Variants in LRRC66 observed in about 807,000 individuals in gnomAD.
LRRC66 encodes leucine-rich repeat-containing protein 66.
Under a neutral mutation model 24.6 loss-of-function variants are expected in LRRC66, and 29 were observed. That is an observed-to-expected ratio of 1.18 (90% confidence interval 0.88 to 1.61). LRRC66 has a LOEUF of 1.61. LRRC66 is among the 40% of genes most tolerant of loss of function. LRRC66 has a pLI of 0.00. For synonymous variants in LRRC66, 411 were observed against 397.6 expected (o/e 1.03, Z -0.40); for missense variants, 1,124 against 1,058.0 (o/e 1.06, Z -0.87).
At chr4:52,014,862 G>C (rs1427815885) in intron 2 of LRRC66, among the ~76,000 whole-genome samples, 1 of 152,148 alleles carries the variant, frequency 6.6e-6, no homozygotes, top group Non-Finnish European at 1.5e-5. Context: ...TCATTTGCTA[G>C]AATTTTAATA....
intron 4 of LRRC66, among the ~76,000 whole-genome samples, chr4:51,996,506 C>A (rs1736321716): frequency 6.6e-6 from 1 of 152,126 alleles, no homozygotes; most frequent in Non-Finnish European, 1.5e-5. Context: ...ATTCTCCTCC[C>A]TCAGCCTCCT....
At chr4:51,998,043 T>C in intron 3 of LRRC66, 106 bp from the exon 4 acceptor site, 1 of 934,848 alleles carries the variant, frequency 1.1e-6, no homozygotes, top group Non-Finnish European at 1.7e-6. Flanking sequence ...GGAGGCAATA[T>C]GGATTTAACA....
At position 51,995,580 on chromosome 4, in the gene LRRC66, T is replaced by A; in HGVS notation, c.1442A>T (p.Asp481Val). The part of the protein sequence containing the change: ...PDRTLGRSRK[D>V]PGSSQSPGQC... ...TCCTGGGCTCTGCGAACTGCCAGGA[T>A]CCTTTCTGCTCCTTCCCAGAGTTCT... is the stretch of plus-strand genomic sequence containing the variant. The change falls in exon 5 of 5, where the codon GAT becomes GTT. Residue 481 changes from aspartate to valine, a missense_variant. Asp to Val is a radical substitution (Grantham distance 152). Coordinates refer to ENST00000682860, the MANE Select transcript of LRRC66 (RefSeq NM_001024611.3). 6.2e-7 allele frequency: 1 copy of A among 1,614,146 alleles called. No individual in the cohort carries two copies. Among genetic ancestry groups the A allele is most frequent in the Non-Finnish European group, 8.5e-7 (1 of 1,180,026 alleles).
At chr4:52,015,582 G>A (rs1190694029) in intron 2 of LRRC66, among the ~76,000 whole-genome samples, 1 of 152,140 alleles carries the variant, frequency 6.6e-6, no homozygotes, top group Non-Finnish European at 1.5e-5. Flanking sequence ...CCCTAATGGG[G>A]GCTCAGAATC....
rs1553937525 is a variant in LRRC66 at position 51,997,751 on chromosome 4, T to C, written c.853A>G (p.Ile285Val). ...KKWNVICNRS[I>V]GSEEANGGTP... ...CAGAGAGACATTACTGACTTACCTA[T>C]AGACCTGTTGCAAATGACATTCCAC... Residue 285 changes from isoleucine (I) to valine (V), a missense_variant, in exon 4 of 5, where the codon ATA becomes GTA. Coordinates refer to ENST00000682860, the MANE Select transcript of LRRC66 (RefSeq NM_001024611.3). 18 of 1,613,538 alleles carry C rather than the reference T, an allele frequency of 1.1e-5. No homozygotes were observed. Among genetic ancestry groups the C allele is most frequent in the East Asian group, 6.7e-5 (3 of 44,870 alleles).
In LRRC66 at chr4:51,995,723, C is replaced by A. The variant is rs377473089; in HGVS notation, c.1299G>T (p.Gly433=). 317 of 1,614,072 alleles carry A rather than the reference C, an allele frequency of 2.0e-4. 3 individuals carry two copies. The highest frequency in any genetic ancestry group is 4.9e-5 in the Non-Finnish European group (58 of 1,179,992). The change falls in exon 5 of 5, where the codon GGG becomes GGT. Residue 433 remains glycine, a synonymous_variant. Transcript: ENST00000682860. ...EGFYDDMEAA[G]HTPHPETHLR... is the part of the protein sequence containing the mutation. Reference sequence around the variant, plus strand: ...GATGGGTCTCTGGGTGTGGTGTGTGCCCCGCAGCTTCCATGTCATCGTAGA... The same window carrying A: ...GATGGGTCTCTGGGTGTGGTGTGTGACCCGCAGCTTCCATGTCATCGTAGA...
At chr4:52,020,165 AAAAC>A (rs1222777869) in intron 1 of LRRC66, among the ~76,000 whole-genome samples, 135 bp downstream of exon 1, 1 of 152,202 alleles carries the variant, frequency 6.6e-6, no homozygotes, top group Non-Finnish European at 1.5e-5. Context: ...GCAGCACAAA[AAAAC>A]AAAGTATTAT....
intron 2 of LRRC66, among the ~76,000 whole-genome samples, chr4:52,016,068 C>A (rs1018586162): frequency 1.3e-5 from 2 of 152,002 alleles, no homozygotes; most frequent in African/African-American, 2.4e-5. Context: ...AAATAAAATG[C>A]AATTCATTTA....
intron 3 of LRRC66, among the ~76,000 whole-genome samples, chr4:52,002,411 T>C (rs1398312577): frequency 6.6e-6 from 1 of 152,150 alleles, no homozygotes; most frequent in Non-Finnish European, 1.5e-5. Flanking sequence ...AGTGCTACAC[T>C]GCAGGCCACT....
At position 52,017,203 on chromosome 4, in the gene LRRC66, T is replaced by C. The variant is rs1282755313; in HGVS notation, c.411A>G (p.Lys137=). The C allele has an allele frequency of 6.2e-7, 1 of 1,614,142 alleles. No individual in the cohort carries two copies. Among genetic ancestry groups the C allele is most frequent in the African/African-American group, 1.3e-5 (1 of 75,030 alleles). Residue 137 remains lysine, a synonymous_variant, in exon 2 of 5, where the codon AAA becomes AAG. Coordinates refer to ENST00000682860, the MANE Select transcript of LRRC66 (RefSeq NM_001024611.3). ...DLLSPKSSWV[K]RHRSSFRNRF... ...TGTTTCTGAAGCTGCTTCTGTGGCGTTTCACCCATGAGGACTTAGGACTGA... is the reference window on the plus strand; with the variant it reads ...TGTTTCTGAAGCTGCTTCTGTGGCGCTTCACCCATGAGGACTTAGGACTGA...
intron 2 of LRRC66, among the ~76,000 whole-genome samples, chr4:52,008,789 G>GA (rs1736640015): frequency 6.6e-6 from 1 of 152,014 alleles, no homozygotes; most frequent in African/African-American, 2.4e-5. Flanking sequence ...TCCTTTAGAG[G>GA]AAAAAATGAA....
At chr4:52,002,065 A>G (rs1560558494) in intron 3 of LRRC66, among the ~76,000 whole-genome samples, 1 of 152,218 alleles carries the variant, frequency 6.6e-6, no homozygotes, top group Admixed American at 6.5e-5. Flanking sequence ...CTATAGAGCA[A>G]TTAAAACAGG....
chr4:51,997,847 C>T lies in LRRC66; in HGVS notation c.757G>A (p.Asp253Asn), dbSNP rs748311910. Reference sequence around the variant, plus strand: ...CTATCATCACACTGCCAGTTATTATCAGCCAAGTCAACCACTAGATGGGGA... The same window carrying T: ...CTATCATCACACTGCCAGTTATTATTAGCCAAGTCAACCACTAGATGGGGA... ...EFPHLVVDLA[D>N]NNWQCDDSVA... is the part of the protein sequence containing the mutation. Residue 253 changes from aspartate (D) to asparagine (N), a missense_variant, in exon 4 of 5, where the codon GAT becomes AAT. By Grantham distance (23) the Asp-to-Asn change is conservative. Transcript: ENST00000682860. The T allele has an allele frequency of 6.2e-7, 1 of 1,614,046 alleles. No homozygotes were observed. Among genetic ancestry groups the T allele is most frequent in the South Asian group, 1.1e-5 (1 of 91,064 alleles).
In LRRC66 at chr4:51,994,993, G is replaced by A. The variant is rs201717641; in HGVS notation, c.2029C>T (p.Leu677=). Reference sequence around the variant, plus strand: ...TCCTTGTTAGCAGGAGTGACATCCAGGCCACTGTCCCATCTTGGAGGAAAG... The same window carrying A: ...TCCTTGTTAGCAGGAGTGACATCCAAGCCACTGTCCCATCTTGGAGGAAAG... ...SVFPPRWDSG[L]DVTPANKEPV... is the part of the protein sequence containing the mutation. Residue 677 remains leucine, a synonymous_variant, in exon 5 of 5, where the codon CTG becomes TTG. Coordinates refer to ENST00000682860, the MANE Select transcript of LRRC66 (RefSeq NM_001024611.3). The A allele has an allele frequency of 9.9e-6, 16 of 1,613,988 alleles. No homozygotes were observed. The highest frequency in any genetic ancestry group is 1.6e-4 in the Middle Eastern group (1 of 6,084).
At chr4:52,012,181 C>A (rs2110201727) in intron 2 of LRRC66, among the ~76,000 whole-genome samples, 1 of 151,782 alleles carries the variant, frequency 6.6e-6, no homozygotes, top group Admixed American at 6.6e-5. Context: ...GAGTGAGGCT[C>A]CATCTAAAAA....
At chr4:52,001,719 G>A (rs756493375) in intron 3 of LRRC66, among the ~76,000 whole-genome samples, 8 of 152,196 alleles carry the variant, frequency 5.3e-5, no homozygotes, top group Non-Finnish European at 1.2e-4. Flanking sequence ...CCAGGCAGCT[G>A]GCTCAAGGCC....
In LRRC66 at chr4:51,996,024, GAA is replaced by G. The variant is rs1349703473; in HGVS notation, c.996_997del (p.Ser333TyrfsTer24). 1 of 1,613,930 alleles carries G rather than the reference GAA, an allele frequency of 6.2e-7. No homozygotes were observed. Among genetic ancestry groups the G allele is most frequent in the African/African-American group, 1.3e-5 (1 of 75,004 alleles). On this transcript the variant is annotated frameshift_variant, in exon 5 of 5. Coordinates refer to ENST00000682860, the MANE Select transcript of LRRC66 (RefSeq NM_001024611.3). LOFTEE classifies it low-confidence loss of function (END_TRUNC). ...GGCCTTTGCCTTCTTCCCCAGAGTA[GAA>G]ATGCCCGTGTGCCTTCCTCCCTGGG...
Position 51,994,771 on chromosome 4 carries a change from C to G in LRRC66, c.2251G>C (p.Asp751His). Residue 751 changes from aspartate (D) to histidine (H), a missense_variant, in exon 5 of 5, where the codon GAC becomes CAC. Coordinates refer to ENST00000682860, the MANE Select transcript of LRRC66 (RefSeq NM_001024611.3). ...GASKDNVTAV[D>H]SLEENVTFQT... The stretch of plus-strand genomic sequence containing the variant: ...AAGGTAACATTTTCCTCAAGACTGT[C>G]TACAGCCGTCACATTGTCCTTGCTT... 1 of 1,614,210 alleles carries G rather than the reference C, an allele frequency of 6.2e-7. No individual in the cohort carries two copies. The highest frequency in any genetic ancestry group is 8.5e-7 in the Non-Finnish European group (1 of 1,180,036).
chr4:52,009,460 T>A (rs1736652058), intron 2 of LRRC66, among the ~76,000 whole-genome samples: 1 of 152,080 alleles, frequency 6.6e-6, no homozygotes, highest in Admixed American at 6.6e-5. Context: ...AAAAGCTGGT[T>A]CTTTAACAAC....
Sources: allele counts gnomAD v4.1 joint callset (sites outside exome capture counted in the v4.1 genomes callset), GRCh38; gene constraint gnomAD v4.1.1; transcripts MANE v1.5; gene names NCBI Gene and HGNC (gene_info 2026-07-23, HGNC 2026-07-21).